Variants in NUF2 observed in about 807,000 individuals in gnomAD.
NUF2 encodes the protein NUF2 component of NDC80 kinetochore complex, also known as kinetochore protein Nuf2.
Under a neutral mutation model 61.8 loss-of-function variants are expected in NUF2, and 34 were observed. The observed-to-expected ratio is 0.55, with a 90% CI of 0.42 to 0.73. NUF2 has a LOEUF of 0.73. Ranked by LOEUF, NUF2 falls within the 30% of genes least tolerant of loss-of-function variation. NUF2 has a pLI of 0.00. For missense variants in NUF2, 445 were observed against 539.1 expected (o/e 0.83, Z 1.73); for synonymous variants, 172 against 181.6 (o/e 0.95, Z 0.42).
Position 163,348,880 on chromosome 1 carries a change from G to C in NUF2, c.1125-65G>C, listed in dbSNP as rs1039464396. 5.2e-6 allele frequency: 8 copies of C among 1,537,902 alleles called. No homozygotes were observed. The East Asian group carries it at 1.8e-4, about 35-fold the overall frequency. ...CATGGTCACTTTGGAATCAAAACTAGAATTGTGTTTGCCTTTTTAGTTGCT... is the reference window on the plus strand; with the variant it reads ...CATGGTCACTTTGGAATCAAAACTACAATTGTGTTTGCCTTTTTAGTTGCT... On this transcript the variant is annotated intron_variant, in intron 12 of 13. Transcript: ENST00000271452.
intron 10 of NUF2, among the ~76,000 whole-genome samples, chr1:163,344,140 ATTACT>A (rs1434870581): frequency 4.6e-5 from 7 of 152,172 alleles, no homozygotes; most frequent in Non-Finnish European, 8.8e-5. Flanking sequence ...GTGAGATTTA[ATTACT>A]TTATTACAAG....
Position 163,336,843 on chromosome 1 carries a change from C to T in NUF2, c.430C>T (p.Gln144Ter), listed in dbSNP as rs760403092. ...CRETYMEFLWQYKSSADKMQQ... is the reference protein window; with the variant it reads ...CRETYMEFLW Reference sequence around the variant, plus strand: ...TGAAACGTATATGGAATTTCTTTGGCAATATGTAAGATTTAAATATGTTTT... The same window carrying T: ...TGAAACGTATATGGAATTTCTTTGGTAATATGTAAGATTTAAATATGTTTT... Residue 144 changes from glutamine (Q) to a stop codon, truncating the protein, a stop_gained, in exon 6 of 14, where the codon CAA becomes TAA. Coordinates refer to ENST00000271452, the MANE Select transcript of NUF2 (RefSeq NM_145697.3). LOFTEE classifies it high-confidence loss of function. 1 of 1,594,678 alleles carries T rather than the reference C, an allele frequency of 6.3e-7. No homozygotes were observed. Among genetic ancestry groups the T allele is most frequent in the South Asian group, 1.1e-5 (1 of 90,648 alleles).
chr1:163,340,946 GTACATACA>G (rs1650923979), intron 9 of NUF2, among the ~76,000 whole-genome samples: 2 of 152,032 alleles, frequency 1.3e-5, no homozygotes, highest in African/African-American at 4.8e-5. Context: ...GCATACATAT[GTACATACA>G]TACATTTCTG....
Position 163,333,000 on chromosome 1 carries a change from G to A in NUF2, c.338-3751G>A, listed in dbSNP as rs917501260. 2.6e-5 allele frequency among the ~76,000 whole-genome samples: 4 copies of A among 152,286 alleles called. No homozygotes were observed. The East Asian group carries it at 5.8e-4, about 22-fold the overall frequency. On this transcript the variant is annotated intron_variant, in intron 5 of 13. Transcript: ENST00000271452. ...TTGGATCCAGTTGGTTAATAGCGTTGTTCAAGCCTACTGGGTCCTTACAGA... is the reference window on the plus strand; with the variant it reads ...TTGGATCCAGTTGGTTAATAGCGTTATTCAAGCCTACTGGGTCCTTACAGA...
Position 163,325,166 on chromosome 1 carries a change from A to G in NUF2, c.-20-866A>G, listed in dbSNP as rs188184416. Among the ~76,000 whole-genome samples, 333 of 152,068 alleles carry G rather than the reference A, an allele frequency of 2.2e-3. 2 individuals carry two copies. Among genetic ancestry groups the G allele is most frequent in the Middle Eastern group, 0.014 (4 of 294 alleles). ...CATGCTTTGGCCTCCCAAAGTGCTGAGATTACAGGTACAGGGTTTTTTAAC... is the reference window on the plus strand; with the variant it reads ...CATGCTTTGGCCTCCCAAAGTGCTGGGATTACAGGTACAGGGTTTTTTAAC... On this transcript the variant is annotated intron_variant, in intron 1 of 13. Transcript: ENST00000271452.
chr1:163,327,779 A>G (rs1250979246), intron 3 of NUF2: 1 of 495,016 alleles, frequency 2.0e-6, no homozygotes, highest in Non-Finnish European at 3.6e-6. Flanking sequence ...GATGAAAACC[A>G]TAGTAAAAGA....
chr1:163,327,041 A>T (rs1036012315), intron 2 of NUF2, among the ~76,000 whole-genome samples: 1 of 151,898 alleles, frequency 6.6e-6, no homozygotes, highest in African/African-American at 2.4e-5. Context: ...GTGTTCCCTT[A>T]AACTTCAAAT....
intron 4 of NUF2, chr1:163,328,594 C>T: frequency 2.0e-6 from 1 of 502,518 alleles, no homozygotes; most frequent in Non-Finnish European, 3.5e-6. Flanking sequence ...GTCTTAGTGT[C>T]ACCAAGTTTA....
chr1:163,339,293 T>A, intron 7 of NUF2, 88 bp from the exon 8 acceptor site: 1 of 751,502 alleles, frequency 1.3e-6, no homozygotes, highest in Non-Finnish European at 2.3e-6. Flanking sequence ...GTAGACAATT[T>A]CTTCATCTCA....
chr1:163,351,747 CT>C (rs1651328572), intron 13 of NUF2, among the ~76,000 whole-genome samples: 1 of 152,132 alleles, frequency 6.6e-6, no homozygotes, highest in Non-Finnish European at 1.5e-5. Context: ...AAATCAAATA[CT>C]TTTTGTCAAA....
At chr1:163,331,734 A>G (rs1001969049) in intron 5 of NUF2, among the ~76,000 whole-genome samples, 1 of 151,910 alleles carries the variant, frequency 6.6e-6, no homozygotes, top group Non-Finnish European at 1.5e-5. Flanking sequence ...TTGGTGATTT[A>G]TTTTTTTAAA....
At chr1:163,323,083 TGTG>T (rs1373468833) in intron 1 of NUF2, 2 of 152,202 alleles carry the variant, frequency 1.3e-5, no homozygotes, top group Non-Finnish European at 2.9e-5. Context: ...TTGAATTTGA[TGTG>T]GTGGGTAAGG....
rs1050193840 is a variant in NUF2 at position 163,345,815 on chromosome 1, G to T, written c.945G>T (p.Lys315Asn). The T allele has an allele frequency of 6.3e-7, 1 of 1,598,302 alleles. No homozygotes were observed. ...DNREKLASILKESLNLEDQIE... is the reference protein window; with the variant it reads ...DNREKLASILNESLNLEDQIE... ...GGGAAAAATTAGCCAGTATCTTAAA[G>T]GAGGTTTGTATTGTATGGAATTTTG... Residue 315 changes from lysine to asparagine, a missense_variant, in exon 11 of 14, where the codon AAG becomes AAT. By Grantham distance (94) the Lys-to-Asn change is moderately conservative (BLOSUM62 0). Coordinates refer to ENST00000271452, the MANE Select transcript of NUF2 (RefSeq NM_145697.3).
At chr1:163,327,376 T>C in intron 2 of NUF2, 112 bp from the exon 3 acceptor site, 1 of 649,588 alleles carries the variant, frequency 1.5e-6, no homozygotes, top group South Asian at 2.1e-5. Context: ...GGAATAATTT[T>C]GTTGCCTTTT....
intron 1 of NUF2, among the ~76,000 whole-genome samples, chr1:163,324,727 C>T (rs1252986897): frequency 6.6e-6 from 1 of 152,038 alleles, no homozygotes; most frequent in Admixed American, 6.5e-5. Context: ...GCTGTTACTA[C>T]TGCTATTTTT....
chr1:163,337,503 T>C (rs1172941831), intron 6 of NUF2, among the ~76,000 whole-genome samples: 1 of 152,108 alleles, frequency 6.6e-6, no homozygotes, highest in Non-Finnish European at 1.5e-5. Flanking sequence ...GCACAAATCA[T>C]GCTAACCTTA....
At chr1:163,335,134 A>G (rs922739612) in intron 5 of NUF2, among the ~76,000 whole-genome samples, 2 of 151,996 alleles carry the variant, frequency 1.3e-5, no homozygotes, top group East Asian at 3.9e-4. Context: ...TTGTATTTTT[A>G]GTAGAGAAGG....
chr1:163,352,176 T>C (rs1246652408), intron 13 of NUF2, among the ~76,000 whole-genome samples: 1 of 152,172 alleles, frequency 6.6e-6, no homozygotes, highest in Non-Finnish European at 1.5e-5. Flanking sequence ...CCAGATAATC[T>C]CCAAGTTAAT....
Position 163,349,021 on chromosome 1 carries a change from A to G in NUF2, c.1201A>G (p.Ile401Val), listed in dbSNP as rs1651224666. 1 of 1,612,136 alleles carries G rather than the reference A, an allele frequency of 6.2e-7. No homozygotes were observed. Among genetic ancestry groups the G allele is most frequent in the South Asian group, 1.1e-5 (1 of 90,478 alleles). ...CACAATTAATCAAGAAATCCAAAAA[A>G]TTAAACTTGGAATTCAACAACTAAA... ...VTTINQEIQK[I>V]KLGIQQLKDA... is the part of the protein sequence containing the mutation. The change falls in exon 13 of 14, where the codon ATT becomes GTT. Residue 401 changes from isoleucine (I) to valine (V), a missense_variant. Transcript: ENST00000271452.
Sources: allele counts gnomAD v4.1 joint callset (sites outside exome capture counted in the v4.1 genomes callset), GRCh38; gene constraint gnomAD v4.1.1; transcripts MANE v1.5; gene names NCBI Gene and HGNC (gene_info 2026-07-23, HGNC 2026-07-21).